TNKS: variants seen among roughly 807,000 people sequenced by gnomAD.
The protein encoded by TNKS is poly [ADP-ribose] polymerase tankyrase-1.
Under a neutral mutation model 135.8 loss-of-function variants are expected in TNKS, and 72 were observed. That is an observed-to-expected ratio of 0.53 (90% CI 0.44 to 0.64). The LOEUF is 0.64. TNKS is among the 30% of genes least tolerant of loss of function. The probability of loss-of-function intolerance (pLI) is 0.00; values close to 1 mark genes in which losing one functional copy is unlikely to be tolerated. For missense variants in TNKS, 1,769 were observed against 1,674.0 expected (o/e 1.06, Z -0.99); for synonymous variants, 849 against 649.3 (o/e 1.31, Z -4.68).
At chr8:9,651,227 C>T (rs1019382680) in intron 3 of TNKS, among the ~76,000 whole-genome samples, 1 of 151,876 alleles carries the variant, frequency 6.6e-6, no homozygotes, top group African/African-American at 2.4e-5. Context: ...AAGTGGGGCT[C>T]ACTTCTGTTG....
At position 9,775,459 on chromosome 8, in the gene TNKS, CTATATATATATATATATATATA is replaced by C. The variant is rs59789406; in HGVS notation, c.3898-1167_3898-1146del. ...ACGGAAAAGAATATTATGAATGGTTCTATATATATATATATATATATATATATATATATATATATATATATGT... is the reference window on the plus strand; with the variant it reads ...ACGGAAAAGAATATTATGAATGGTTCTATATATATATATATATATATATGT... On this transcript the variant is annotated intron_variant, in intron 26 of 26. Coordinates refer to ENST00000310430, the MANE Select transcript of TNKS (RefSeq NM_003747.3). Among the ~76,000 whole-genome samples, 73 of 80,622 alleles carry C rather than the reference CTATATATATATATATATATATA, an allele frequency of 9.1e-4. 3 individuals are homozygous for C. Among genetic ancestry groups the C allele is most frequent in the Middle Eastern group, 0.015 (2 of 136 alleles). The allele number at this position is 80,622 out of a possible 152,430, so 52.9% of individuals were successfully genotyped here.
intron 2 of TNKS, among the ~76,000 whole-genome samples, chr8:9,587,498 C>T (rs1197967987): frequency 6.6e-6 from 1 of 151,330 alleles, no homozygotes; most frequent in Non-Finnish European, 1.5e-5. Context: ...CTCCTGGGTT[C>T]ACGCCATTCT....
chr8:9,726,483 C>T (rs1805171061), intron 12 of TNKS, among the ~76,000 whole-genome samples, 158 bp from the exon 13 acceptor site: 1 of 152,132 alleles, frequency 6.6e-6, no homozygotes, highest in Non-Finnish European at 1.5e-5. Context: ...AAATCTATGG[C>T]AAAGTTTTGC....
At chr8:9,586,793 C>T (rs1329345929) in intron 2 of TNKS, among the ~76,000 whole-genome samples, 2 of 147,064 alleles carry the variant, frequency 1.4e-5, no homozygotes, top group Non-Finnish European at 3.0e-5. Flanking sequence ...ATCCAATTGA[C>T]TTGTTAAGTT....
At chr8:9,611,824 G>A (rs1029617483) in intron 2 of TNKS, among the ~76,000 whole-genome samples, 1 of 152,192 alleles carries the variant, frequency 6.6e-6, no homozygotes, top group Non-Finnish European at 1.5e-5. Context: ...GGACATTTAA[G>A]AATGTGTCTG....
At chr8:9,653,775 C>A (rs1284815191) in intron 3 of TNKS, among the ~76,000 whole-genome samples, 5 of 152,148 alleles carry the variant, frequency 3.3e-5, no homozygotes, top group Admixed American at 6.5e-5. Flanking sequence ...AACTACCCAC[C>A]TTCTTTCTGC....
At chr8:9,608,969 G>A (rs886441374) in intron 2 of TNKS, among the ~76,000 whole-genome samples, 4 of 152,086 alleles carry the variant, frequency 2.6e-5, no homozygotes, top group Non-Finnish European at 5.9e-5. Flanking sequence ...TCTGATACCA[G>A]TTACTCCATT....
In TNKS at chr8:9,668,779, AAGTG is replaced by A. The variant is rs1585305017; in HGVS notation, c.995-11166_995-11163del. Among the ~76,000 whole-genome samples, 4 of 152,312 alleles carry A rather than the reference AAGTG, an allele frequency of 2.6e-5. No homozygotes were observed. The East Asian group carries it at 7.7e-4, about 29-fold the overall frequency. On this transcript the variant is annotated intron_variant, in intron 3 of 26. Coordinates refer to ENST00000310430, the MANE Select transcript of TNKS (RefSeq NM_003747.3). ...GAAAATGCAAGGTGTATTTGGGTAA[AAGTG>A]AGTGATGTAGAGTTGATAGTGTGTG...
intron 3 of TNKS, among the ~76,000 whole-genome samples, chr8:9,642,458 T>A (rs1028446188): frequency 6.8e-6 from 1 of 146,362 alleles, no homozygotes; most frequent in Non-Finnish European, 1.5e-5. Context: ...TATTTCTGTC[T>A]AAATACTATG....
chr8:9,683,981 T>G (rs10101221), intron 5 of TNKS, among the ~76,000 whole-genome samples: 4,669 of 152,052 alleles, frequency 0.031, 170 homozygotes, highest in African/African-American at 0.091. Flanking sequence ...AATTTTTTTT[T>G]GTTCTAAAAT....
chr8:9,762,193 C>T lies in TNKS; in HGVS notation c.3274+557C>T, dbSNP rs56940272. On this transcript the variant is annotated intron_variant, in intron 21 of 26. Transcript: ENST00000310430. The stretch of plus-strand genomic sequence containing the variant: ...TTTGTCTTTTTCCATTGTACTTTGC[C>T]GTTACAAGCCTCTTTCCCCTCTGTT... 2.1e-3 allele frequency among the ~76,000 whole-genome samples: 317 copies of T among 151,346 alleles called. 3 individuals are homozygous for T. The highest frequency in any genetic ancestry group is 7.1e-3 in the African/African-American group (290 of 40,952).
intron 8 of TNKS, among the ~76,000 whole-genome samples, chr8:9,707,840 A>C (rs1804121895): frequency 6.6e-6 from 1 of 152,152 alleles, no homozygotes; most frequent in Admixed American, 6.6e-5. Context: ...ATCACCATTG[A>C]TATTTTGGTA....
intron 5 of TNKS, among the ~76,000 whole-genome samples, chr8:9,695,745 T>A (rs1450224107): frequency 2.0e-5 from 3 of 152,128 alleles, no homozygotes; most frequent in East Asian, 3.9e-4. Context: ...GTAGATGTGG[T>A]GAGAAGTGAT....
intron 2 of TNKS, among the ~76,000 whole-genome samples, chr8:9,592,652 G>A (rs1585206531): frequency 6.6e-6 from 1 of 152,148 alleles, no homozygotes; most frequent in African/African-American, 2.4e-5. Context: ...ACTTTCATAC[G>A]TATTCTTATT....
At chr8:9,625,400 GT>G (rs1800020511) in intron 3 of TNKS, among the ~76,000 whole-genome samples, 2 of 150,910 alleles carry the variant, frequency 1.3e-5, no homozygotes, top group South Asian at 2.1e-4. Flanking sequence ...GTTGATTTTT[GT>G]TTTTTATTAT....
chr8:9,648,236 C>T (rs1226949557), intron 3 of TNKS, among the ~76,000 whole-genome samples: 8 of 152,018 alleles, frequency 5.3e-5, no homozygotes, highest in African/African-American at 1.2e-4. Flanking sequence ...TTTTCTTCAA[C>T]GATGAATTAA....
intron 2 of TNKS, among the ~76,000 whole-genome samples, chr8:9,593,153 T>A (rs984520603): frequency 6.6e-6 from 1 of 152,096 alleles, no homozygotes; most frequent in Non-Finnish European, 1.5e-5. Flanking sequence ...TGGTGGTAAA[T>A]TTATAAAAGT....
chr8:9,561,880 G>A (rs775547979), intron 1 of TNKS, among the ~76,000 whole-genome samples: 7 of 152,078 alleles, frequency 4.6e-5, no homozygotes, highest in Non-Finnish European at 8.8e-5. Flanking sequence ...ATAATGGTGC[G>A]ATCTTGGCTC....
chr8:9,743,388 A>T (rs1039630424), intron 17 of TNKS: 1 of 152,144 alleles, frequency 6.6e-6, no homozygotes, highest in Non-Finnish European at 1.5e-5. Flanking sequence ...TCTGGGATCT[A>T]GTCTTTCCTC....
Sources: allele counts gnomAD v4.1 joint callset (sites outside exome capture counted in the v4.1 genomes callset), GRCh38; gene constraint gnomAD v4.1.1; transcripts MANE v1.5; gene names NCBI Gene and HGNC (gene_info 2026-07-23, HGNC 2026-07-21).